The following AUTS2 variants were observed in gnomAD, a reference collection of about 807,000 sequenced individuals.
AUTS2 encodes the protein autism susceptibility gene 2 protein.
AUTS2 carries 17 observed loss-of-function variants against 112.4 expected under a neutral mutation model. That is an observed-to-expected ratio of 0.15 (90% CI 0.10 to 0.23). The LOEUF (loss-of-function observed/expected upper bound fraction) is 0.23. Ranked by LOEUF, AUTS2 falls within the 10% of genes least tolerant of loss-of-function variation. The pLI is 1.00. For missense variants in AUTS2, 1,510 were observed against 1,701.6 expected (o/e 0.89, Z 1.98); for synonymous variants, 751 against 702.7 (o/e 1.07, Z -1.09).
At chr7:69,604,730 A>G (rs1303513769) in intron 1 of AUTS2, among the ~76,000 whole-genome samples, 6 of 152,242 alleles carry the variant, frequency 3.9e-5, no homozygotes, top group African/African-American at 1.2e-4. Flanking sequence ...GTAAGTAAAG[A>G]GTGCTTGTTA....
rs565069238 is a variant in AUTS2 at position 70,788,893 on chromosome 7, TACCTTATTGTCATTC to T, written c.2532-854_2532-840del. On this transcript the variant is annotated intron_variant, in intron 18 of 18. Coordinates refer to ENST00000342771, the MANE Select transcript of AUTS2 (RefSeq NM_015570.4). ...CTGGTCTTAGTTTTAACTCAAGTTTTACCTTATTGTCATTCCATTTGTTTTTGCATTTTCTGCCCA... is the reference window on the plus strand; with the variant it reads ...CTGGTCTTAGTTTTAACTCAAGTTTTCATTTGTTTTTGCATTTTCTGCCCA... Among the ~76,000 whole-genome samples the T allele has an allele frequency of 1.4e-4, 22 of 152,368 alleles. No homozygotes were observed. The East Asian group carries it at 3.1e-3, about 21-fold the overall frequency.
intron 4 of AUTS2, among the ~76,000 whole-genome samples, chr7:70,425,984 A>T (rs796839799): frequency 3.3e-5 from 5 of 152,322 alleles, no homozygotes; most frequent in African/African-American, 1.2e-4. Context: ...TCTTAGCAAC[A>T]CTATGAGGTA....
chr7:70,444,373 TGAGAGA>T (rs1554402014), intron 5 of AUTS2, among the ~76,000 whole-genome samples: 3 of 142,442 alleles, frequency 2.1e-5, no homozygotes, highest in Non-Finnish European at 3.0e-5. Flanking sequence ...TGTGTGTGTG[TGAGAGA>T]GAGAGAGAGA....
intron 4 of AUTS2, among the ~76,000 whole-genome samples, chr7:70,423,778 A>G (rs1207606616): frequency 6.6e-6 from 1 of 151,936 alleles, no homozygotes; most frequent in Non-Finnish European, 1.5e-5. Flanking sequence ...AGAGGGAATG[A>G]TGGTTTCTGG....
At chr7:69,631,475 A>G (rs774513099) in intron 1 of AUTS2, among the ~76,000 whole-genome samples, 1 of 152,248 alleles carries the variant, frequency 6.6e-6, no homozygotes, top group Non-Finnish European at 1.5e-5. Context: ...ACTGCATCAC[A>G]TTTAATGTTA....
Position 70,781,738 on chromosome 7 carries a change from A to G in AUTS2, c.2128A>G (p.Thr710Ala). 1.2e-6 allele frequency: 2 copies of G among 1,614,118 alleles called. No individual in the cohort carries two copies. Among genetic ancestry groups the G allele is most frequent in the South Asian group, 1.1e-5 (1 of 91,074 alleles). Reference sequence around the variant, plus strand: ...CCCCCATGACCTGGCACGGCCTTCAACTTTGTTCTCTGCCGCTGGTGAGTG... The same window carrying G: ...CCCCCATGACCTGGCACGGCCTTCAGCTTTGTTCTCTGCCGCTGGTGAGTG... Reference protein sequence around the residue: ...HHPHDLARPSTLFSAAGAAHP... With the variant: ...HHPHDLARPSALFSAAGAAHP... Residue 710 changes from threonine (T) to alanine (A), a missense_variant, in exon 15 of 19, where the codon ACT becomes GCT. Physicochemically the swap from Thr to Ala is moderately conservative, Grantham distance 58. Coordinates refer to ENST00000342771, the MANE Select transcript of AUTS2 (RefSeq NM_015570.4).
At chr7:69,623,543 G>A (rs950540044) in intron 1 of AUTS2, among the ~76,000 whole-genome samples, 1 of 151,494 alleles carries the variant, frequency 6.6e-6, no homozygotes, top group Admixed American at 6.6e-5. Flanking sequence ...GGAACATTAG[G>A]GTTTTTTGTT....
At chr7:70,489,605 A>G (rs553736953) in intron 5 of AUTS2, among the ~76,000 whole-genome samples, 209 of 152,378 alleles carry the variant, frequency 1.4e-3, no homozygotes, top group African/African-American at 4.9e-3. Flanking sequence ...AGTTACACAG[A>G]CAGTAACAAA....
At chr7:70,633,387 G>T (rs1805369894) in intron 5 of AUTS2, among the ~76,000 whole-genome samples, 1 of 152,154 alleles carries the variant, frequency 6.6e-6, no homozygotes, top group Admixed American at 6.5e-5. Flanking sequence ...GGAAGCCGAG[G>T]TAGGTGGTGA....
intron 5 of AUTS2, among the ~76,000 whole-genome samples, chr7:70,462,251 C>T (rs985590529): frequency 1.3e-5 from 2 of 151,186 alleles, no homozygotes; most frequent in East Asian, 1.9e-4. Flanking sequence ...GACTCCGTGT[C>T]GAAAAAACAA....
intron 1 of AUTS2, among the ~76,000 whole-genome samples, chr7:69,605,386 C>T (rs1159309898): frequency 1.3e-5 from 2 of 152,172 alleles, no homozygotes; most frequent in Admixed American, 1.3e-4. Context: ...CTGACATCTG[C>T]CTTTTTACTG....
intron 4 of AUTS2, among the ~76,000 whole-genome samples, chr7:70,340,585 G>C (rs1289852776): frequency 1.3e-5 from 2 of 152,124 alleles, no homozygotes; most frequent in African/African-American, 4.8e-5. Context: ...TCCAGAGGTT[G>C]CTGGGGACGG....
At chr7:70,601,759 G>A (rs759483280) in intron 5 of AUTS2, among the ~76,000 whole-genome samples, 3 of 152,052 alleles carry the variant, frequency 2.0e-5, no homozygotes, top group African/African-American at 4.8e-5. Flanking sequence ...TGTAAGAGGG[G>A]ATCTCAGGAG....
At chr7:70,298,064 C>CT (rs929521986) in intron 4 of AUTS2, among the ~76,000 whole-genome samples, 1 of 151,814 alleles carries the variant, frequency 6.6e-6, no homozygotes, top group African/African-American at 2.4e-5. Flanking sequence ...CGGAATCTCA[C>CT]TTTTTTGCTG....
At chr7:70,403,539 G>T (rs1368504698) in intron 4 of AUTS2, among the ~76,000 whole-genome samples, 1 of 152,184 alleles carries the variant, frequency 6.6e-6, no homozygotes, top group Admixed American at 6.5e-5. Context: ...CTGCCTTCCT[G>T]TGAGCATCCT....
intron 5 of AUTS2, among the ~76,000 whole-genome samples, chr7:70,468,690 T>C (rs2115808819): frequency 6.6e-6 from 1 of 152,110 alleles, no homozygotes; most frequent in African/African-American, 2.4e-5. Flanking sequence ...CTCTACAGGA[T>C]CCTAGACCCG....
intron 4 of AUTS2, among the ~76,000 whole-genome samples, chr7:70,233,786 T>G (rs1812179678): frequency 6.6e-6 from 1 of 152,204 alleles, no homozygotes; most frequent in South Asian, 2.1e-4. Flanking sequence ...AAGCGGAATT[T>G]CCCATTGCTG....
chr7:69,784,942 T>C (rs1205476582), intron 1 of AUTS2, among the ~76,000 whole-genome samples: 1 of 152,088 alleles, frequency 6.6e-6, no homozygotes, highest in Non-Finnish European at 1.5e-5. Flanking sequence ...GTCCTTGCTG[T>C]CGTGAACCTT....
chr7:70,291,495 T>C (rs1788706373), intron 4 of AUTS2: 1 of 152,180 alleles, frequency 6.6e-6, no homozygotes, highest in Non-Finnish European at 1.5e-5. Context: ...CTCCTTATTT[T>C]GTTTTGGGTG....
Sources: allele counts gnomAD v4.1 joint callset (sites outside exome capture counted in the v4.1 genomes callset), GRCh38; gene constraint gnomAD v4.1.1; transcripts MANE v1.5; gene names NCBI Gene and HGNC (gene_info 2026-07-23, HGNC 2026-07-21).